PSRC1: variants seen among roughly 807,000 people sequenced by gnomAD.
The protein encoded by PSRC1 is proline and serine rich coiled-coil 1.
PSRC1 carries 30 observed loss-of-function variants against 31.9 expected under a neutral mutation model. That is an observed-to-expected ratio of 0.94 (90% CI 0.70 to 1.28). The LOEUF (loss-of-function observed/expected upper bound fraction) is 1.28, where lower values mean the gene tolerates loss of function less well. Among genes scored for constraint, PSRC1 ranks in the 50% most tolerant of loss-of-function variants. PSRC1 has a pLI of 0.00. For synonymous variants in PSRC1, 191 were observed against 192.1 expected, an observed-to-expected ratio of 0.99 and a Z score of 0.05; for missense variants, 481 against 472.8, an observed-to-expected ratio of 1.02 and a Z score of -0.16.
exon 2 of PSRC1, chr1:109,282,702 C>T (rs1239620467): frequency 1.3e-6 from 2 of 1,553,376 alleles, no homozygotes; most frequent in Middle Eastern, 2.0e-4. Flanking sequence ...CCTCCATGTC[C>T]AGCCAGCAGG....
intron 5 of PSRC1, 37 bp downstream of exon 6, chr1:109,280,740 T>C: frequency 8.0e-6 from 12 of 1,503,266 alleles, no homozygotes; most frequent in Non-Finnish European, 9.9e-6. Context: ...GAGGACACGC[T>C]GGGCAAGGGC....
chr1:109,282,909 C>T, intron 1 of PSRC1, 154 bp downstream of exon 1: 1 of 635,746 alleles, frequency 1.6e-6, no homozygotes, highest in Non-Finnish European at 2.7e-6. Context: ...AGGGCTCCCC[C>T]AACTGCCCAG....
chr1:109,280,355 G>A (rs374715459), intron 6 of PSRC1, 41 bp downstream of exon 7: 71 of 1,523,352 alleles, frequency 4.7e-5, no homozygotes, highest in East Asian at 9.1e-5. Flanking sequence ...AGATGATGGC[G>A]GGGTAGGGAG....
chr1:109,281,848 T>G, exon 4 of PSRC1: 1 of 1,613,782 alleles, frequency 6.2e-7, no homozygotes. Context: ...GCCTGCGCTC[T>G]CCCGATCCTG....
exon 4 of PSRC1, chr1:109,282,011 G>C (rs755461671): frequency 6.6e-7 from 1 of 1,509,658 alleles, no homozygotes; most frequent in Non-Finnish European, 8.8e-7. Context: ...AGGCCCCGTC[G>C]AAGTGGTTTC....
exon 7 of PSRC1, chr1:109,279,966 C>T (rs1230938611): frequency 1.2e-5 from 9 of 727,574 alleles, no homozygotes; most frequent in Admixed American, 2.2e-5. Context: ...TTTAAGTCTT[C>T]TCCAGCTCAA....
exon 5 of PSRC1, chr1:109,281,046 C>T: frequency 6.2e-7 from 1 of 1,612,930 alleles, no homozygotes; most frequent in Non-Finnish European, 8.5e-7. Context: ...GGTGGGTGGG[C>T]CTGGTGGAGA....
intron 6 of PSRC1, 69 bp downstream of exon 7, chr1:109,280,327 A>G: frequency 2.0e-6 from 3 of 1,469,836 alleles, no homozygotes; most frequent in Non-Finnish European, 1.9e-6. Context: ...GCTGATGTGC[A>G]TAACAGCTTG....
At chr1:109,280,541 C>T (rs757505506) in intron 5 of PSRC1, 52 bp from the exon 7 acceptor site, 21 of 1,446,838 alleles carry the variant, frequency 1.5e-5, no homozygotes, top group South Asian at 1.2e-4. Flanking sequence ...TAACTGACCT[C>T]GAAAAGAAAT....
chr1:109,280,367 C>G (rs1656848601), intron 6 of PSRC1, 29 bp downstream of exon 7: 2 of 1,563,190 alleles, frequency 1.3e-6, no homozygotes, highest in East Asian at 2.3e-5. Context: ...GGTAGGGAGA[C>G]AGGATGGGCA....
intron 1 of PSRC1, 94 bp from the exon 2 acceptor site, chr1:109,282,830 A>G: frequency 2.4e-6 from 3 of 1,226,976 alleles, no homozygotes; most frequent in Non-Finnish European, 3.5e-6. Context: ...GTCATGCTGG[A>G]GGCAAAGCAA....
exon 4 of PSRC1, chr1:109,281,796 C>T (rs374243645): frequency 6.2e-7 from 1 of 1,614,100 alleles, no homozygotes; most frequent in Non-Finnish European, 8.5e-7. Context: ...CAAAGGTCTC[C>T]CGCCGAGGAC....
Position 109,280,166 on chromosome 1 carries a change from TAGAA to T in PSRC1, c.1089-14_1089-11del. 6.2e-7 allele frequency: 1 copy of T among 1,613,472 alleles called. No individual in the cohort carries two copies. The highest frequency in any genetic ancestry group is 2.2e-5 in the East Asian group (1 of 44,868). On this transcript the variant is annotated splice_polypyrimidine_tract_variant and intron_variant, in intron 6 of 6. Transcript: ENST00000409138. ...GTCCTGATCTCTTTACCTAAAGAAATAGAAGGAATAACTGCTTTAAAATGCCCTT... is the reference window on the plus strand; with the variant it reads ...GTCCTGATCTCTTTACCTAAAGAAATGGAATAACTGCTTTAAAATGCCCTT...
At chr1:109,281,987 C>T (rs1657226509) in exon 4 of PSRC1, 3 of 1,520,680 alleles carry the variant, frequency 2.0e-6, no homozygotes, top group Non-Finnish European at 1.8e-6. Flanking sequence ...GCATTTGGGT[C>T]ACTTCGGTGG....
At chr1:109,281,835 C>T (rs1230576167) in exon 4 of PSRC1, 1 of 1,613,858 alleles carries the variant, frequency 6.2e-7, no homozygotes, top group African/African-American at 1.3e-5. Context: ...GCCCCAGGCC[C>T]TCGCCTGCGC....
At chr1:109,281,308 G>T in intron 4 of PSRC1, 57 bp from the exon 5 acceptor site, 1 of 1,394,530 alleles carries the variant, frequency 7.2e-7, no homozygotes, top group African/African-American at 1.5e-5. Flanking sequence ...TCTGTTCTGT[G>T]GCTTAAGGAA....
intron 5 of PSRC1, 114 bp from the exon 7 acceptor site, chr1:109,280,603 G>T: frequency 1.0e-6 from 1 of 997,220 alleles, no homozygotes; most frequent in South Asian, 1.6e-5. Flanking sequence ...TGACCATGAG[G>T]TATTTGAAAA....
exon 5 of PSRC1, chr1:109,280,813 T>G: frequency 6.2e-7 from 1 of 1,602,814 alleles, no homozygotes; most frequent in Middle Eastern, 1.7e-4. Context: ...TGTCCTGCAG[T>G]GCTTGGTCTT....
intron 1 of PSRC1, 81 bp from the exon 2 acceptor site, chr1:109,282,817 G>A: frequency 1.4e-6 from 2 of 1,414,146 alleles, no homozygotes; most frequent in African/African-American, 1.4e-5. Context: ...GCCAGGGTCG[G>A]GGGTCATGCT....
Sources: allele counts gnomAD v4.1 joint callset, GRCh38; gene constraint gnomAD v4.1.1; transcripts MANE v1.5; gene names NCBI Gene and HGNC (gene_info 2026-07-23, HGNC 2026-07-21).